Variants in TMEM9B observed in about 807,000 individuals in gnomAD.
TMEM9B encodes the protein TMEM9 domain family member B, also known as transmembrane protein 9B.
TMEM9B carries 8 observed loss-of-function variants against 23.5 expected under a neutral mutation model. The observed-to-expected ratio is 0.34, with a 90% confidence interval of 0.20 to 0.61. The LOEUF (loss-of-function observed/expected upper bound fraction) is 0.61. TMEM9B is among the 20% of genes least tolerant of loss of function. TMEM9B has a pLI of 0.78. For missense variants in TMEM9B, 197 were observed against 252.3 expected (o/e 0.78, Z 1.49); for synonymous variants, 106 against 96.3 (o/e 1.10, Z -0.59).
chr11:8,958,211 TC>T (rs1854008760), intron 2 of TMEM9B, among the ~76,000 whole-genome samples: 1 of 129,356 alleles, frequency 7.7e-6, no homozygotes, highest in South Asian at 2.6e-4. Flanking sequence ...GCCTGTAATC[TC>T]AGCACTTTGG....
Position 8,964,406 on chromosome 11 carries a change from G to C in TMEM9B, c.-93C>G. 2 of 1,468,972 alleles carry C rather than the reference G, an allele frequency of 1.4e-6. No homozygotes were observed. The highest frequency in any genetic ancestry group is 1.8e-6 in the Non-Finnish European group (2 of 1,114,500). The allele number at this position is 1,468,972 out of a possible 1,614,324, so 91.0% of individuals were successfully genotyped here. ...AGGCTCAGGCTCAGGCACAGGCTTG[G>C]GACCCGGCTGGGGATCCTCCGCCCG... On this transcript the variant is annotated 5_prime_UTR_variant, in exon 1 of 5. Coordinates refer to ENST00000534025, the MANE Select transcript of TMEM9B (RefSeq NM_020644.3).
chr11:8,959,448 T>G (rs550489518), intron 2 of TMEM9B, among the ~76,000 whole-genome samples: 2 of 152,330 alleles, frequency 1.3e-5, no homozygotes, highest in East Asian at 1.9e-4. Context: ...CCAGGACTCC[T>G]GCTTCCTACG....
intron 4 of TMEM9B, among the ~76,000 whole-genome samples, chr11:8,951,822 C>G (rs964402734): frequency 3.3e-4 from 48 of 146,168 alleles, no homozygotes; most frequent in African/African-American, 1.2e-3. Flanking sequence ...ACAAAAATAT[C>G]CAGCCAGGCG....
intron 2 of TMEM9B, among the ~76,000 whole-genome samples, chr11:8,959,841 C>G (rs1034689422): frequency 6.6e-6 from 1 of 152,184 alleles, no homozygotes; most frequent in African/African-American, 2.4e-5. Flanking sequence ...AGTTTTAAGT[C>G]AGCCAGCATA....
At chr11:8,959,751 C>A (rs1005287037) in intron 2 of TMEM9B, among the ~76,000 whole-genome samples, 4 of 152,168 alleles carry the variant, frequency 2.6e-5, no homozygotes, top group South Asian at 2.1e-4. Flanking sequence ...CTAGGCAACA[C>A]CTCCCCCTAG....
intron 3 of TMEM9B, among the ~76,000 whole-genome samples, chr11:8,954,831 G>C (rs1027894449): frequency 4.6e-5 from 7 of 151,998 alleles, no homozygotes; most frequent in Admixed American, 2.6e-4. Flanking sequence ...AGGGCCTTTT[G>C]GGGGGAAAGG....
intron 3 of TMEM9B, among the ~76,000 whole-genome samples, chr11:8,954,517 G>C (rs895836669): frequency 1.3e-5 from 2 of 152,018 alleles, no homozygotes; most frequent in Non-Finnish European, 2.9e-5. Flanking sequence ...TCGAACTCCT[G>C]ACCTCAAGTG....
At chr11:8,948,930 T>TA (rs1358501114) in intron 4 of TMEM9B, among the ~76,000 whole-genome samples, 1 of 152,226 alleles carries the variant, frequency 6.6e-6, no homozygotes, top group African/African-American at 2.4e-5. Flanking sequence ...ATCTGTCTTT[T>TA]AATTTCCTGT....
chr11:8,964,556 C>G (rs750617867), upstream of TMEM9B: 1 of 1,192,424 alleles, frequency 8.4e-7, no homozygotes, highest in East Asian at 3.1e-5. Context: ...CCGCCTTGGC[C>G]TAGCCCCGGC....
rs373096100 is a variant in TMEM9B, at chr11:8,953,204, C to A, written c.440G>T (p.Gly147Val). The A allele has an allele frequency of 9.9e-6, 16 of 1,613,994 alleles. No individual in the cohort carries two copies. The highest frequency in any genetic ancestry group is 1.4e-5 in the Non-Finnish European group (16 of 1,180,040). The change falls in exon 4 of 5, where the codon GGG becomes GTG. Residue 147 changes from glycine (G) to valine (V), a missense_variant and splice_region_variant. Gly to Val is a moderately radical substitution (Grantham distance 109). Transcript: ENST00000534025. ...AGCTAGGGCAGGCTGGGAACTTACC[C>A]CAATATCATCATCACTCTGTATCAA... ...AQLIQSDDDIGDHQPFANAHD... is the reference protein window; with the variant it reads ...AQLIQSDDDIVDHQPFANAHD...
In TMEM9B at chr11:8,957,458, G is replaced by A. The variant is rs1036713914; in HGVS notation, c.198-1160C>T. Among the ~76,000 whole-genome samples, 2 of 152,202 alleles carry A rather than the reference G, an allele frequency of 1.3e-5. No individual in the cohort carries two copies. Among genetic ancestry groups the A allele is most frequent in the Non-Finnish European group, 2.9e-5 (2 of 68,036 alleles). ...AAGCTTTCCTGTCCTCCTGCCAGCT[G>A]TTGGACAATTTTCTTTCCTTTTGGC... On this transcript the variant is annotated intron_variant, in intron 2 of 4. Coordinates refer to ENST00000534025, the MANE Select transcript of TMEM9B (RefSeq NM_020644.3). The surrounding 1 kb of genome is among the most constrained non-coding windows in gnomAD (Gnocchi z 4.3).
chr11:8,963,121 AAAAT>A (rs1220031413), intron 1 of TMEM9B, among the ~76,000 whole-genome samples: 6 of 152,228 alleles, frequency 3.9e-5, no homozygotes, highest in Non-Finnish European at 8.8e-5. Context: ...AGGAGACTGA[AAAAT>A]AAATACATGA....
intron 3 of TMEM9B, among the ~76,000 whole-genome samples, chr11:8,955,819 T>C (rs1853964920): frequency 6.6e-6 from 1 of 152,040 alleles, no homozygotes; most frequent in Non-Finnish European, 1.5e-5. Context: ...AGAGGGGAAA[T>C]CTTAAAATCC....
rs1220851169 is a variant in TMEM9B, at chr11:8,964,206, C to T, written c.105+3G>A. On this transcript the variant is annotated splice_donor_region_variant and intron_variant, in intron 1 of 4. Transcript: ENST00000534025. ...GTCAGGAGCGAGGCTGGGCGGGACT[C>T]ACCTTGGCGGCGTCTGACAGCTGCG... 6 of 1,571,266 alleles carry T rather than the reference C, an allele frequency of 3.8e-6. No homozygotes were observed. The highest frequency in any genetic ancestry group is 4.3e-6 in the Non-Finnish European group (5 of 1,159,024).
At chr11:8,961,809 C>G (rs932458946) in intron 2 of TMEM9B, among the ~76,000 whole-genome samples, 1 of 152,166 alleles carries the variant, frequency 6.6e-6, no homozygotes. Context: ...TGAGGGAGTA[C>G]AGCAAGATAG....
chr11:8,959,119 C>A (rs1854027982), intron 2 of TMEM9B, among the ~76,000 whole-genome samples: 2 of 152,146 alleles, frequency 1.3e-5, no homozygotes, highest in Admixed American at 1.3e-4. Context: ...TAGCCTCAGG[C>A]TTAGAGAAGG....
chr11:8,955,739 C>T (rs1853963518), intron 3 of TMEM9B, among the ~76,000 whole-genome samples: 2 of 152,098 alleles, frequency 1.3e-5, no homozygotes, highest in Non-Finnish European at 2.9e-5. Context: ...TGCTGAGTGG[C>T]CCAGTTCCTA....
rs752094881 is a variant in TMEM9B at position 8,948,435 on chromosome 11, C to T, written c.482G>A (p.Arg161His). The change falls in exon 5 of 5, where the codon CGC (arginine) becomes CAC (histidine). Residue 161 changes from arginine to histidine, a missense_variant. By Grantham distance (29) the Arg-to-His change is conservative. This residue lies in a region of TMEM9B where 141 missense variants were observed against 214.1 expected (regional missense o/e 0.66). Coordinates refer to ENST00000534025, the MANE Select transcript of TMEM9B (RefSeq NM_020644.3). ...CAGCACGTTGGCTCGACTGCGGGAG[C>T]GGGCTAGCACATCGTGTGCATTTGC... ...PFANAHDVLA[R>H]SRSRANVLNK... 7 of 1,614,172 alleles carry T rather than the reference C, an allele frequency of 4.3e-6. No homozygotes were observed. Among genetic ancestry groups the T allele is most frequent in the Admixed American group, 1.7e-5 (1 of 60,018 alleles).
rs568431457 is a variant in TMEM9B, at chr11:8,963,949, G to C, written c.105+260C>G. On this transcript the variant is annotated intron_variant, in intron 1 of 4. Transcript: ENST00000534025. ...AAGGGAAATGTTAAGGCGGTGGGGG[G>C]CTGCTGTCCGGACTGTGGGCACTGT... 2.1e-3 allele frequency: 1,072 copies of C among 503,612 alleles called. 15 individuals are homozygous for C. The highest frequency in any genetic ancestry group is 0.019 in the African/African-American group (950 of 49,004). 31.2% of individuals were successfully genotyped at this position (503,612 alleles called of 1,614,324 possible). A position where few individuals can be genotyped will look rare whatever the true frequency, so the allele number is the denominator to read the frequency against.
Sources: gnomAD v4.1 joint callset for allele counts (sites outside exome capture counted in the v4.1 genomes callset) on GRCh38, gnomAD v4.1.1 for gene constraint, gnomAD v4.1.1 regional missense constraint, Gnocchi (gnomAD v3.1) non-coding constraint, MANE v1.5 for transcripts, NCBI Gene and HGNC (gene_info 2026-07-23, HGNC 2026-07-21) for gene names.